ANOS1: variants seen among roughly 807,000 people sequenced by gnomAD.
ANOS1 encodes the protein anosmin-1.
A neutral mutation model predicts 59.0 loss-of-function variants in ANOS1; 6 were observed. The ratio of observed to expected loss-of-function variants is 0.10; its 90% CI spans 0.06 to 0.20. The LOEUF (loss-of-function observed/expected upper bound fraction) is 0.20. Ranked by LOEUF, ANOS1 falls within the 10% of genes least tolerant of loss-of-function variation. The pLI, the probability that ANOS1 is intolerant of heterozygous loss-of-function variation, is 1.00. For missense variants in ANOS1, 433 were observed against 542.3 expected (o/e 0.80, Z 2.00); for synonymous variants, 217 against 223.4 (o/e 0.97, Z 0.25).
At chrX:8,699,642 A>G in intron 2 of ANOS1, 56 bp downstream of exon 2, 2 of 951,066 alleles carry the variant, frequency 2.1e-6, no homozygotes, top group Non-Finnish European at 3.0e-6. Flanking sequence ...GTGAATCTAT[A>G]ATTATTCCAA....
chrX:8,565,124 C>T (rs144033600), intron 8 of ANOS1, among the ~76,000 whole-genome samples: 5,090 of 111,589 alleles, frequency 0.046, 284 homozygotes, highest in African/African-American at 0.16. Context: ...AAGTTGAAGT[C>T]GGACTTTTTT....
In ANOS1 at chrX:8,623,604, C is replaced by T. The variant is rs763498873; in HGVS notation, c.318+4G>A. The T allele has an allele frequency of 7.5e-6, 9 of 1,196,824 alleles. No individual in the cohort carries two copies. The East Asian group carries it at 2.1e-4, about 28-fold the overall frequency. ...TGTTTTAAGTACCACTGACGTTCTC[C>T]TACCTCACAAAAGCTTTGGCACTGG... On this transcript the variant is annotated splice_donor_region_variant and intron_variant, in intron 3 of 13. Transcript: ENST00000262648.
At chrX:8,633,792 A>G (rs1420852280) in intron 2 of ANOS1, among the ~76,000 whole-genome samples, 1 of 111,948 alleles carries the variant, frequency 8.9e-6, no homozygotes, top group African/African-American at 3.2e-5. Flanking sequence ...ACCAAGAGGA[A>G]ATACCAAACA....
At chrX:8,567,560 G>A (rs1253497639) in intron 8 of ANOS1, among the ~76,000 whole-genome samples, 5 of 111,956 alleles carry the variant, frequency 4.5e-5, no homozygotes, top group African/African-American at 9.7e-5. Context: ...TTGGGAGGCC[G>A]AGGCAGGTGG....
chrX:8,635,611 G>A (rs1009499714), intron 2 of ANOS1, among the ~76,000 whole-genome samples: 2 of 111,843 alleles, frequency 1.8e-5, no homozygotes, highest in Non-Finnish European at 3.8e-5. Flanking sequence ...TAACAAGACA[G>A]CCTTTTCTCT....
intron 2 of ANOS1, among the ~76,000 whole-genome samples, chrX:8,629,873 AG>A (rs1435118615): frequency 8.9e-6 from 1 of 112,810 alleles, no homozygotes; most frequent in African/African-American, 3.2e-5. Context: ...ACTCGTGATC[AG>A]ATTATGCTAA....
chrX:8,572,126 ATT>A (rs55680016), intron 6 of ANOS1, among the ~76,000 whole-genome samples: 2 of 107,344 alleles, frequency 1.9e-5, no homozygotes, highest in East Asian at 3.0e-4. Flanking sequence ...TAGTCAAGTC[ATT>A]TTTTTTTTAA....
chrX:8,580,773 C>T (rs1307563985), intron 6 of ANOS1, among the ~76,000 whole-genome samples: 1 of 111,313 alleles, frequency 9.0e-6, no homozygotes, highest in Non-Finnish European at 1.9e-5. Context: ...CTTTTATTTG[C>T]TGAGATATTC....
intron 2 of ANOS1, among the ~76,000 whole-genome samples, chrX:8,631,287 C>A (rs1280406432): frequency 8.9e-6 from 1 of 111,950 alleles, no homozygotes; most frequent in Non-Finnish European, 1.9e-5. Context: ...CTTTTACAAC[C>A]ATTTCCTGAG....
chrX:8,705,304 A>C (rs1276804346), intron 1 of ANOS1, among the ~76,000 whole-genome samples: 2 of 112,165 alleles, frequency 1.8e-5, no homozygotes, highest in Non-Finnish European at 3.8e-5. Flanking sequence ...TTTTTCCACA[A>C]GGAAATTTTA....
At chrX:8,628,963 T>C (rs1196011715) in intron 2 of ANOS1, among the ~76,000 whole-genome samples, 1 of 111,608 alleles carries the variant, frequency 9.0e-6, no homozygotes, top group African/African-American at 3.3e-5. Flanking sequence ...AATTATGCAC[T>C]ATTGGCTGGG....
chrX:8,623,505 C>T (rs1931333934), intron 3 of ANOS1, 103 bp downstream of exon 3: 2 of 609,621 alleles, frequency 3.3e-6, no homozygotes, highest in Non-Finnish European at 5.5e-6. Flanking sequence ...TAATGATCTC[C>T]CCAAGCTGCA....
intron 2 of ANOS1, among the ~76,000 whole-genome samples, chrX:8,635,441 T>C (rs951699196): frequency 2.7e-5 from 3 of 111,655 alleles, no homozygotes; most frequent in African/African-American, 9.8e-5. Context: ...AAACTGATGT[T>C]GGTGTTTTGC....
chrX:8,614,019 T>A (rs1054505568), intron 3 of ANOS1, among the ~76,000 whole-genome samples: 3 of 111,832 alleles, frequency 2.7e-5, no homozygotes, highest in African/African-American at 9.8e-5. Context: ...TAAAGCAGAT[T>A]CCTAGATGAT....
chrX:8,553,619 T>C (rs1157365836), intron 9 of ANOS1, among the ~76,000 whole-genome samples: 2 of 111,473 alleles, frequency 1.8e-5, no homozygotes, highest in African/African-American at 6.5e-5. Context: ...ATTATTTGTA[T>C]TATGGATCTT....
At chrX:8,536,492 A>G (rs372224542) in intron 11 of ANOS1, among the ~76,000 whole-genome samples, 48 of 111,225 alleles carry the variant, frequency 4.3e-4, no homozygotes, top group African/African-American at 1.5e-3. Context: ...TGAAATAATT[A>G]TATCAAACTT....
At chrX:8,580,704 T>C (rs1930405842) in intron 6 of ANOS1, among the ~76,000 whole-genome samples, 1 of 112,127 alleles carries the variant, frequency 8.9e-6, no homozygotes, top group African/African-American at 3.2e-5. Flanking sequence ...CCATGAATCC[T>C]ATGCAGTGAG....
intron 8 of ANOS1, among the ~76,000 whole-genome samples, chrX:8,557,269 G>A (rs1929964146): frequency 8.9e-6 from 1 of 111,979 alleles, no homozygotes; most frequent in African/African-American, 3.2e-5. Flanking sequence ...CATGGGCAAA[G>A]ACTTCATGAC....
intron 2 of ANOS1, among the ~76,000 whole-genome samples, chrX:8,681,165 C>A (rs5978940): frequency 0.36 from 39,966 of 110,325 alleles, 5,369 homozygotes; most frequent in East Asian, 0.61. Context: ...TAGGTCTAAC[C>A]ACTTCTTTGA....
Sources: allele counts gnomAD v4.1 joint callset (sites outside exome capture counted in the v4.1 genomes callset), GRCh38; gene constraint gnomAD v4.1.1; transcripts MANE v1.5; gene names NCBI Gene and HGNC (gene_info 2026-07-23, HGNC 2026-07-21).